ERICH3: variants seen among roughly 807,000 people sequenced by gnomAD.
ERICH3 encodes glutamate rich 3, also known as glutamate-rich protein 3.
In ERICH3, 126 loss-of-function variants were observed where a neutral mutation model predicts 131.1. The observed-to-expected ratio is 0.96, with a 90% confidence interval of 0.83 to 1.11. ERICH3 has a LOEUF of 1.11. ERICH3 is among the 50% of genes most tolerant of loss of function. The probability of loss-of-function intolerance (pLI) is 0.00; values close to 1 mark genes in which losing one functional copy is unlikely to be tolerated. For missense variants in ERICH3, 2,050 were observed against 1,810.7 expected (o/e 1.13, Z -2.40); for synonymous variants, 695 against 644.6 (o/e 1.08, Z -1.18).
In ERICH3 at chr1:74,643,010, G is replaced by A; in HGVS notation, c.315+17C>T. ...AAATAATACTATGAAGTAAAAGAGAGTTATATAACTCCTTACCTTAAACCT... is the reference window on the plus strand; with the variant it reads ...AAATAATACTATGAAGTAAAAGAGAATTATATAACTCCTTACCTTAAACCT... On this transcript the variant is annotated intron_variant, in intron 4 of 14. Transcript: ENST00000326665. 6.4e-7 allele frequency: 1 copy of A among 1,556,586 alleles called. No individual in the cohort carries two copies.
At chr1:74,647,715 G>A (rs1314718369) in intron 2 of ERICH3, among the ~76,000 whole-genome samples, 1 of 152,016 alleles carries the variant, frequency 6.6e-6, no homozygotes, top group Non-Finnish European at 1.5e-5. Context: ...TTTCATGCAA[G>A]CCACATATTT....
intron 10 of ERICH3, among the ~76,000 whole-genome samples, chr1:74,603,439 A>G (rs1648238314): frequency 6.6e-6 from 1 of 151,956 alleles, no homozygotes; most frequent in Non-Finnish European, 1.5e-5. Context: ...AAAATGAGAC[A>G]GTGTGTGCAC....
chr1:74,587,910 G>T lies in ERICH3; in HGVS notation c.2176+1721C>A, dbSNP rs1031309028. ...AAAAATCCTTTTGAAGATGTTCAGGGTCTTTGCATTTTTATTCTAGGGCAG... is the reference window on the plus strand; with the variant it reads ...AAAAATCCTTTTGAAGATGTTCAGGTTCTTTGCATTTTTATTCTAGGGCAG... On this transcript the variant is annotated intron_variant, in intron 12 of 14. Transcript: ENST00000326665. Among the ~76,000 whole-genome samples the T allele has an allele frequency of 1.3e-5, 2 of 152,136 alleles. 1 individual carries two copies. Among genetic ancestry groups the T allele is most frequent in the African/African-American group, 4.8e-5 (2 of 41,428 alleles).
At chr1:74,650,964 A>G (rs1646528894) in intron 1 of ERICH3, among the ~76,000 whole-genome samples, 1 of 152,060 alleles carries the variant, frequency 6.6e-6, no homozygotes, top group Admixed American at 6.6e-5. Flanking sequence ...GGAGAGGCAG[A>G]GAAAGAAAGA....
chr1:74,570,629 T>C (rs1646925827), intron 14 of ERICH3, among the ~76,000 whole-genome samples, 190 bp from the exon 15 acceptor site: 1 of 152,204 alleles, frequency 6.6e-6, no homozygotes, highest in Non-Finnish European at 1.5e-5. Flanking sequence ...TTTATATATG[T>C]AAAAACTTTG....
intron 11 of ERICH3, among the ~76,000 whole-genome samples, chr1:74,598,254 A>G (rs1427931826): frequency 1.3e-5 from 2 of 151,870 alleles, no homozygotes; most frequent in Non-Finnish European, 2.9e-5. Flanking sequence ...TATTTATTAC[A>G]TGGATTTTAT....
chr1:74,576,380 A>C lies in ERICH3; in HGVS notation c.2218+515T>G, dbSNP rs142865694. On this transcript the variant is annotated intron_variant, in intron 13 of 14. Coordinates refer to ENST00000326665, the MANE Select transcript of ERICH3 (RefSeq NM_001002912.5). ...CCTGAGTTCCTCTAGTTGAATGCCC[A>C]TTATAAAAGATATGGGTTCTCTAAG... 4.0e-3 allele frequency among the ~76,000 whole-genome samples: 608 copies of C among 152,310 alleles called. 4 individuals are homozygous for C. The highest frequency in any genetic ancestry group is 0.02 in the Admixed American group (309 of 15,288).
At chr1:74,595,808 G>A (rs1647818903) in intron 11 of ERICH3, among the ~76,000 whole-genome samples, 1 of 152,044 alleles carries the variant, frequency 6.6e-6, no homozygotes, top group Non-Finnish European at 1.5e-5. Context: ...TTCGACAATT[G>A]AAAAGTGACT....
chr1:74,618,075 A>G (rs1265445572), intron 8 of ERICH3, among the ~76,000 whole-genome samples: 1 of 152,128 alleles, frequency 6.6e-6, no homozygotes, highest in Non-Finnish European at 1.5e-5. Flanking sequence ...AGATAGGAAG[A>G]TCACTTTACC....
At chr1:74,660,132 G>GAT in intron 1 of ERICH3, among the ~76,000 whole-genome samples, 1 of 152,032 alleles carries the variant, frequency 6.6e-6, no homozygotes, top group Non-Finnish European at 1.5e-5. Context: ...AGATCTGATG[G>GAT]CTTTATAAGG....
intron 13 of ERICH3, among the ~76,000 whole-genome samples, chr1:74,575,434 G>T (rs1355992529): frequency 6.6e-6 from 1 of 152,150 alleles, no homozygotes; most frequent in East Asian, 1.9e-4. Context: ...TTACCTAAAA[G>T]CTTCCAAAGC....
At chr1:74,575,859 C>T (rs537023062) in intron 13 of ERICH3, among the ~76,000 whole-genome samples, 17 of 152,256 alleles carry the variant, frequency 1.1e-4, no homozygotes, top group Admixed American at 3.3e-4. Context: ...TCAGACATGA[C>T]GTTCCTCAAG....
intron 1 of ERICH3, among the ~76,000 whole-genome samples, chr1:74,664,112 C>T (rs559165772): frequency 6.6e-6 from 1 of 152,130 alleles, no homozygotes; most frequent in South Asian, 2.1e-4. Context: ...TTAGAAGCAG[C>T]TCTTTAAGTA....
At chr1:74,611,576 A>T (rs1648697248) in intron 9 of ERICH3, among the ~76,000 whole-genome samples, 1 of 151,924 alleles carries the variant, frequency 6.6e-6, no homozygotes. Context: ...TGACCATAGG[A>T]CTCTACATGG....
intron 6 of ERICH3, chr1:74,634,894 T>C: frequency 2.3e-6 from 1 of 435,932 alleles, no homozygotes; most frequent in African/African-American, 2.0e-5. Flanking sequence ...TATTACACTA[T>C]CTCCCCTCAT....
chr1:74,627,368 G>A (rs527361710), intron 7 of ERICH3, among the ~76,000 whole-genome samples: 2 of 152,060 alleles, frequency 1.3e-5, no homozygotes, highest in African/African-American at 4.8e-5. Context: ...TGCCATGGAA[G>A]GCAAGAGAGG....
At chr1:74,633,679 T>C (rs1463011224) in intron 6 of ERICH3, among the ~76,000 whole-genome samples, 2 of 152,004 alleles carry the variant, frequency 1.3e-5, no homozygotes, top group Non-Finnish European at 2.9e-5. Context: ...CCCTATTACT[T>C]AGGTATCTTC....
At chr1:74,644,602 G>C (rs980730584) in intron 3 of ERICH3, among the ~76,000 whole-genome samples, 2 of 151,940 alleles carry the variant, frequency 1.3e-5, no homozygotes, top group Non-Finnish European at 2.9e-5. Flanking sequence ...TTTCTTCTGA[G>C]CTCTTTCTTC....
intron 5 of ERICH3, 30 bp downstream of exon 5, chr1:74,641,301 C>T (rs759421724): frequency 6.2e-7 from 1 of 1,605,614 alleles, no homozygotes; most frequent in East Asian, 2.2e-5. Flanking sequence ...AGCTGGGATA[C>T]TGCATGACGA....
Sources: gnomAD v4.1 joint callset for allele counts (sites outside exome capture counted in the v4.1 genomes callset) on GRCh38, gnomAD v4.1.1 for gene constraint, MANE v1.5 for transcripts, NCBI Gene and HGNC (gene_info 2026-07-23, HGNC 2026-07-21) for gene names.